Variants in RETREG2 observed in about 807,000 individuals in gnomAD.
RETREG2 encodes reticulophagy regulator 2.
RETREG2 carries 21 observed loss-of-function variants against 51.6 expected under a neutral mutation model. The observed-to-expected ratio is 0.41, with a 90% CI of 0.29 to 0.59. RETREG2 has a LOEUF of 0.59. Ranked by LOEUF, RETREG2 falls within the 20% of genes least tolerant of loss-of-function variation. RETREG2 has a pLI of 0.34. For synonymous variants in RETREG2, 339 were observed against 288.6 expected (o/e 1.17, Z -1.77); for missense variants, 674 against 646.0 (o/e 1.04, Z -0.47).
At position 219,181,769 on chromosome 2, in the gene RETREG2, T is replaced by A; in HGVS notation, c.1009T>A (p.Ser337Thr). 6.2e-7 allele frequency: 1 copy of A among 1,613,610 alleles called. No individual in the cohort carries two copies. The highest frequency in any genetic ancestry group is 1.1e-5 in the South Asian group (1 of 91,074). The change falls in exon 8 of 9, where the codon TCC becomes ACC. Residue 337 changes from serine to threonine, a missense_variant. Physicochemically the swap from Ser to Thr is moderately conservative, Grantham distance 58 (BLOSUM62 1). Transcript: ENST00000430297. ...CACAACTCCGCAGCTGACTGATGTCTCCGAGGGTATGGGGAGCCCTTTGCT... is the reference window on the plus strand; with the variant it reads ...CACAACTCCGCAGCTGACTGATGTCACCGAGGGTATGGGGAGCCCTTTGCT... Reference protein sequence around the residue: ...RATTPQLTDVSEDLDQQSLPS... With the variant: ...RATTPQLTDVTEDLDQQSLPS...
rs1375706455 is a variant in RETREG2, at chr2:219,185,256, T to C, written c.*2627T>C. ...ACGATGAAAGGGCCAGAGGTTTTCA[T>C]ATGAGTAAAAGAAAAAAGCAGAAAT... On this transcript the variant is annotated 3_prime_UTR_variant, in exon 9 of 9. Coordinates refer to ENST00000430297, the MANE Select transcript of RETREG2 (RefSeq NM_024293.6). The C allele has an allele frequency of 6.6e-6, 1 of 152,020 alleles. No individual in the cohort carries two copies. The highest frequency in any genetic ancestry group is 1.9e-4 in the East Asian group (1 of 5,188). The allele number at this position is 152,020 out of a possible 1,614,324, so 9.4% of individuals were successfully genotyped here.
At position 219,184,825 on chromosome 2, in the gene RETREG2, G is replaced by GTTTTTTTTTTTTTTTTTTTTTTTTT. The variant is rs71040423; in HGVS notation, c.*2215_*2216insTTTTTTTTTTTTTTTTTTTTTTTTT. On this transcript the variant is annotated 3_prime_UTR_variant, in exon 9 of 9. Transcript: ENST00000430297. ...TGTTTTGGTTTTTTGTTTTTTGTGG[G>GTTTTTTTTTTTTTTTTTTTTTTTTT]TTTTTTTTTTTTTTTTTTTGAGACG... 70 of 99,404 alleles carry GTTTTTTTTTTTTTTTTTTTTTTTTT rather than the reference G, an allele frequency of 7.0e-4. 4 individuals carry two copies. Among genetic ancestry groups the GTTTTTTTTTTTTTTTTTTTTTTTTT allele is most frequent in the Non-Finnish European group, 9.1e-4 (47 of 51,896 alleles). 6.2% of individuals were successfully genotyped at this position (99,404 alleles called of 1,614,324 possible).
chr2:219,181,385 T>G lies in RETREG2; in HGVS notation c.801T>G (p.Asn267Lys), dbSNP rs1250554311. Residue 267 changes from asparagine (N) to lysine (K), a missense_variant, in exon 7 of 9, where the codon AAT (asparagine) becomes AAG (lysine). Asn to Lys is a moderately conservative substitution (Grantham distance 94). Transcript: ENST00000430297. ...CTTTTCTAGAGCGTCAGGGGAAGAA[T>G]GCACCCCCAGGAGGTGATGAGCCAC... ...KHDKRKRQGK[N>K]APPGGDEPLA... is the part of the protein sequence containing the mutation. 3 of 1,613,976 alleles carry G rather than the reference T, an allele frequency of 1.9e-6. No homozygotes were observed. The highest frequency in any genetic ancestry group is 2.5e-6 in the Non-Finnish European group (3 of 1,179,982).
intron 6 of RETREG2, 68 bp from the exon 7 acceptor site, chr2:219,181,301 T>G: frequency 1.2e-6 from 2 of 1,606,692 alleles, no homozygotes; most frequent in Non-Finnish European, 8.5e-7. Context: ...CTCCAGTTCT[T>G]TAGCTGTGTT....
rs562962944 is a variant in RETREG2 at position 219,181,250 on chromosome 2, C to T, written c.784+45C>T. The T allele has an allele frequency of 6.8e-6, 11 of 1,612,256 alleles. No individual in the cohort carries two copies. The Admixed American group carries it at 8.3e-5, about 12-fold the overall frequency. Reference sequence around the variant, plus strand: ...CAGGAGGGTGAAAGAGCGGGAGGGCCTTGGCTTGGGGTTCATGAGATGCCC... The same window carrying T: ...CAGGAGGGTGAAAGAGCGGGAGGGCTTTGGCTTGGGGTTCATGAGATGCCC... On this transcript the variant is annotated intron_variant, in intron 6 of 8. Coordinates refer to ENST00000430297, the MANE Select transcript of RETREG2 (RefSeq NM_024293.6).
rs1251510138 is a variant in RETREG2, at chr2:219,182,354, C to CT, written c.1360dup (p.Cys454LeufsTer6). The CT allele has an allele frequency of 1.2e-6, 2 of 1,614,044 alleles. No homozygotes were observed. The highest frequency in any genetic ancestry group is 8.5e-7 in the Non-Finnish European group (1 of 1,179,994). On this transcript the variant is annotated frameshift_variant, in exon 9 of 9. Coordinates refer to ENST00000430297, the MANE Select transcript of RETREG2 (RefSeq NM_024293.6). LOFTEE classifies it high-confidence loss of function. ...TCTGCCCGGCACCCTGTCACCTCCACTTTGCCTTGTTGGAAGTGACCCAGC... is the reference window on the plus strand; with the variant it reads ...TCTGCCCGGCACCCTGTCACCTCCACTTTTGCCTTGTTGGAAGTGACCCAGC...
In RETREG2 at chr2:219,178,637, A is replaced by G; in HGVS notation, c.281+4A>G. 1.5e-6 allele frequency: 2 copies of G among 1,372,554 alleles called. No homozygotes were observed. Among genetic ancestry groups the G allele is most frequent in the East Asian group, 3.5e-5 (1 of 28,678 alleles). 85.0% of individuals were successfully genotyped at this position (1,372,554 alleles called of 1,614,324 possible). A position where few individuals can be genotyped will look rare whatever the true frequency, so the allele number is the denominator to read the frequency against. ...CCGCGCTCAACGGCCTCTTCTGGTA[A>G]CGGCCGCGGAGGAGGGGGCGGGGCC... On this transcript the variant is annotated splice_donor_region_variant and intron_variant, in intron 1 of 8. Transcript: ENST00000430297.
chr2:219,179,197 AAACT>A (rs1246073139), intron 2 of RETREG2, among the ~76,000 whole-genome samples, 169 bp downstream of exon 2: 5 of 152,204 alleles, frequency 3.3e-5, no homozygotes, highest in African/African-American at 1.2e-4. Context: ...CCCCTTTCCC[AAACT>A]AATACTACTG....
Position 219,182,561 on chromosome 2 carries a change from C to A in RETREG2, c.1564C>A (p.Pro522Thr), listed in dbSNP as rs138961640. 7 of 1,614,066 alleles carry A rather than the reference C, an allele frequency of 4.3e-6. No homozygotes were observed. The highest frequency in any genetic ancestry group is 2.2e-5 in the East Asian group (1 of 44,898). The change falls in exon 9 of 9, where the codon CCC becomes ACC. Residue 522 changes from proline to threonine, a missense_variant. Physicochemically the swap from Pro to Thr is conservative, Grantham distance 38 (BLOSUM62 -1). Coordinates refer to ENST00000430297, the MANE Select transcript of RETREG2 (RefSeq NM_024293.6). Reference protein sequence around the residue: ...ETPPKPPDAPPLGPDIHSLVQ... With the variant: ...ETPPKPPDAPTLGPDIHSLVQ... Reference sequence around the variant, plus strand: ...ACCGCCAAAACCCCCTGATGCTCCACCCCTGGGGCCCGACATCCATTCTCT... The same window carrying A: ...ACCGCCAAAACCCCCTGATGCTCCAACCCTGGGGCCCGACATCCATTCTCT...
chr2:219,180,961 G>T, intron 5 of RETREG2, 101 bp from the exon 6 acceptor site: 1 of 1,527,210 alleles, frequency 6.5e-7, no homozygotes, highest in Non-Finnish European at 8.9e-7. Context: ...CCTTGGGAAA[G>T]GACCTTGCCT....
chr2:219,180,215 G>A lies in RETREG2; in HGVS notation c.525G>A (p.Leu175=). 1 of 1,614,192 alleles carries A rather than the reference G, an allele frequency of 6.2e-7. No individual in the cohort carries two copies. Among genetic ancestry groups the A allele is most frequent in the Non-Finnish European group, 8.5e-7 (1 of 1,180,022 alleles). Residue 175 remains leucine, a synonymous_variant, in exon 4 of 9, where the codon CTG becomes CTA. Transcript: ENST00000430297. ...WLTFQIHLQE[L]LQYKRQNPAQ... is the part of the protein sequence containing the mutation. ...CCTTCCAGATTCACCTGCAGGAGCT[G>A]CTGCAGTACAAGAGGCAGAATCCAG...
At chr2:219,179,921 G>A (rs746835365) in intron 3 of RETREG2, 158 bp downstream of exon 3, 152 of 1,126,298 alleles carry the variant, frequency 1.3e-4, no homozygotes, top group Non-Finnish European at 1.8e-4. Context: ...AGGTGTTTGC[G>A]TGCCTGCTCC....
rs199754357 is a variant in RETREG2, at chr2:219,182,336, G to A, written c.1339G>A (p.Gly447Ser). Residue 447 changes from glycine (G) to serine (S), a missense_variant, in exon 9 of 9, where the codon GGC (glycine) becomes AGC (serine). Transcript: ENST00000430297. ...TVSGGLTALP[G>S]TLSPPLCLVG... is the part of the protein sequence containing the mutation. ...GAGTGGTGGCCTCACTGCTCTGCCC[G>A]GCACCCTGTCACCTCCACTTTGCCT... 30 of 1,613,678 alleles carry A rather than the reference G, an allele frequency of 1.9e-5. No homozygotes were observed. The highest frequency in any genetic ancestry group is 8.9e-5 in the East Asian group (4 of 44,828).
chr2:219,181,239 A>G (rs771831046), intron 6 of RETREG2, 34 bp downstream of exon 6: 1 of 1,613,018 alleles, frequency 6.2e-7, no homozygotes, highest in Non-Finnish European at 8.5e-7. Context: ...AGGGTGAAAG[A>G]GCGGGAGGGC....
At position 219,181,075 on chromosome 2, in the gene RETREG2, G is replaced by T; in HGVS notation, c.654G>T (p.Leu218=). ...MISYIVLLSI[L]LWPLVVYHEL... is the part of the protein sequence containing the mutation. ...CTTAACCCATAGTGTTGAGTATCCTGCTGTGGCCCCTGGTGGTTTATCATG... is the reference window on the plus strand; with the variant it reads ...CTTAACCCATAGTGTTGAGTATCCTTCTGTGGCCCCTGGTGGTTTATCATG... Residue 218 remains leucine, a synonymous_variant, in exon 6 of 9, where the codon CTG becomes CTT. Transcript: ENST00000430297. 5 of 1,614,154 alleles carry T rather than the reference G, an allele frequency of 3.1e-6. No homozygotes were observed. Among genetic ancestry groups the T allele is most frequent in the Non-Finnish European group, 4.2e-6 (5 of 1,180,030 alleles).
chr2:219,182,072 G>A lies in RETREG2; in HGVS notation c.1075G>A (p.Glu359Lys). Residue 359 changes from glutamate (E) to lysine (K), a missense_variant, in exon 9 of 9, where the codon GAG becomes AAG. Glu to Lys is a moderately conservative substitution (Grantham distance 56, BLOSUM62 1). Coordinates refer to ENST00000430297, the MANE Select transcript of RETREG2 (RefSeq NM_024293.6). ...GGAGACCCTAAGCCGGGACCTAGGGGAGGGAGAGGAGGGAGAGCTGGCCCC... is the reference window on the plus strand; with the variant it reads ...GGAGACCCTAAGCCGGGACCTAGGGAAGGGAGAGGAGGGAGAGCTGGCCCC... ...PEETLSRDLG[E>K]GEEGELAPPE... 6.2e-7 allele frequency: 1 copy of A among 1,614,164 alleles called. No individual in the cohort carries two copies. The highest frequency in any genetic ancestry group is 1.1e-5 in the South Asian group (1 of 91,078).
In RETREG2 at chr2:219,185,300, C is replaced by G. The variant is rs972316804; in HGVS notation, c.*2671C>G. The G allele has an allele frequency of 3.9e-5, 6 of 151,996 alleles. No homozygotes were observed. Among genetic ancestry groups the G allele is most frequent in the Admixed American group, 6.6e-5 (1 of 15,244 alleles). The allele number at this position is 151,996 out of a possible 1,614,324, so 9.4% of individuals were successfully genotyped here. A position where few individuals can be genotyped will look rare whatever the true frequency, so the allele number is the denominator to read the frequency against. On this transcript the variant is annotated 3_prime_UTR_variant, in exon 9 of 9. Transcript: ENST00000430297. ...CAGAAATGTGAAACCTACAATTAGG[C>G]TAAACAAAAATCAACTGGAAAAGTA...
rs1398841245 is a variant in RETREG2, at chr2:219,182,624, C to T, written c.1627C>T (p.Pro543Ser). The T allele has an allele frequency of 1.9e-5, 31 of 1,612,992 alleles. No individual in the cohort carries two copies. Among genetic ancestry groups the T allele is most frequent in the Non-Finnish European group, 2.4e-5 (28 of 1,179,256 alleles). The change falls in exon 9 of 9, where the codon CCA becomes TCA. Residue 543 changes from proline to serine, a missense_variant. By Grantham distance (74) the Pro-to-Ser change is moderately conservative. Transcript: ENST00000430297. ...CCAAGAAGCTCAGGCCGTGGCAGAGCCATGAGCCAGCCGTTGAGGAAGGAG... is the reference window on the plus strand; with the variant it reads ...CCAAGAAGCTCAGGCCGTGGCAGAGTCATGAGCCAGCCGTTGAGGAAGGAG... ...SDQEAQAVAE[P>S]
In RETREG2 at chr2:219,180,868, C is replaced by G. The variant is rs1574783997; in HGVS notation, c.640+114C>G. ...CTCAGTTTCTGATTTGTGGAGATCT[C>G]CAGGGATGCTTTAGTATTAGTAACT... On this transcript the variant is annotated intron_variant, in intron 5 of 8. Transcript: ENST00000430297. 9 of 1,377,564 alleles carry G rather than the reference C, an allele frequency of 6.5e-6. No individual in the cohort carries two copies. In the East Asian group the frequency reaches 1.8e-4, roughly 28 times the overall value. 85.3% of individuals were successfully genotyped at this position (1,377,564 alleles called of 1,614,324 possible).
Sources: gnomAD v4.1 joint callset for allele counts (sites outside exome capture counted in the v4.1 genomes callset) on GRCh38, gnomAD v4.1.1 for gene constraint, MANE v1.5 for transcripts, NCBI Gene and HGNC (gene_info 2026-07-23, HGNC 2026-07-21) for gene names.